The following CPT1A variants were observed in gnomAD, a reference collection of about 807,000 sequenced individuals.
CPT1A encodes carnitine O-palmitoyltransferase 1, liver isoform.
A neutral mutation model predicts 100.8 loss-of-function variants in CPT1A; 64 were observed. The ratio of observed to expected loss-of-function variants is 0.63; its 90% CI spans 0.52 to 0.78. The LOEUF (loss-of-function observed/expected upper bound fraction) is 0.78. Ranked by LOEUF, CPT1A falls within the 30% of genes least tolerant of loss-of-function variation. The probability of loss-of-function intolerance (pLI) is 0.00; values close to 1 mark genes in which losing one functional copy is unlikely to be tolerated. For missense variants in CPT1A, 802 were observed against 1,034.1 expected (o/e 0.78, Z 3.08); for synonymous variants, 363 against 396.0 (o/e 0.92, Z 0.99).
intron 10 of CPT1A, among the ~76,000 whole-genome samples, chr11:68,784,017 G>A (rs1383590040): frequency 3.3e-5 from 5 of 152,026 alleles, no homozygotes; most frequent in Non-Finnish European, 7.4e-5. Context: ...CTACAGGCAC[G>A]CACCACCAAG....
rs747805432 is a variant in CPT1A, at chr11:68,807,546, G to A, written c.374C>T (p.Ser125Phe). ...GTGGTAGGAGAGCAGCACTTTCAGG[G>A]AGTAGCGCATGGTGACGATGAGGGC... The part of the protein sequence containing the change: ...WVALIVTMRY[S>F]LKVLLSYHGW... Residue 125 changes from serine to phenylalanine, a missense_variant, in exon 4 of 19, where the codon TCC becomes TTC. Ser to Phe is a radical substitution (Grantham distance 155, BLOSUM62 -2). Around this residue, in one of 4 missense-constraint regions of CPT1A, gnomAD observed 161 missense variants for 183.7 expected, o/e 0.88. Coordinates refer to ENST00000265641, the MANE Select transcript of CPT1A (RefSeq NM_001876.4). 1.2e-6 allele frequency: 2 copies of A among 1,614,204 alleles called. No individual in the cohort carries two copies. Among genetic ancestry groups the A allele is most frequent in the Non-Finnish European group, 8.5e-7 (1 of 1,180,030 alleles).
At chr11:68,760,201 C>T in intron 17 of CPT1A, 24 bp downstream of exon 17, 1 of 1,559,026 alleles carries the variant, frequency 6.4e-7, no homozygotes, top group Non-Finnish European at 8.8e-7. Context: ...CCCACTGCGC[C>T]TCGCCCAGCC....
Position 68,804,179 on chromosome 11 carries a change from C to T in CPT1A, c.454-78G>A, listed in dbSNP as rs189346958. The T allele has an allele frequency of 6.3e-6, 7 of 1,103,452 alleles. No homozygotes were observed. In the African/African-American group the frequency reaches 9.2e-5, roughly 15 times the overall value. 68.4% of individuals were successfully genotyped at this position (1,103,452 alleles called of 1,614,324 possible). A position where few individuals can be genotyped will look rare whatever the true frequency, so the allele number is the denominator to read the frequency against. On this transcript the variant is annotated intron_variant, in intron 4 of 18. Coordinates refer to ENST00000265641, the MANE Select transcript of CPT1A (RefSeq NM_001876.4). ...CCTGTTCTCGTCTGATCTCGTGAAGCTAAGCAGGGTCAGTCCTGGTTAGTA... is the reference window on the plus strand; with the variant it reads ...CCTGTTCTCGTCTGATCTCGTGAAGTTAAGCAGGGTCAGTCCTGGTTAGTA...
At chr11:68,773,220 A>G (rs1855041508) in intron 14 of CPT1A, 45 bp downstream of exon 14, 2 of 1,610,868 alleles carry the variant, frequency 1.2e-6, no homozygotes, top group East Asian at 2.2e-5. Flanking sequence ...AGGTGTAGGA[A>G]CCCCCAAAGT....
At chr11:68,815,243 G>T in intron 2 of CPT1A, 91 bp downstream of exon 2, 1 of 1,350,048 alleles carries the variant, frequency 7.4e-7, no homozygotes, top group Non-Finnish European at 1.0e-6. Context: ...GCAGTCGCCA[G>T]TCTGAAACAC....
intron 11 of CPT1A, 89 bp from the exon 12 acceptor site, chr11:68,780,834 CTAA>C (rs1224653538): frequency 2.1e-6 from 2 of 954,834 alleles, no homozygotes; most frequent in Non-Finnish European, 3.4e-6. Flanking sequence ...CCTGGATGGA[CTAA>C]TTCACTTTGC....
intron 16 of CPT1A, among the ~76,000 whole-genome samples, chr11:68,761,008 G>A (rs571679261): frequency 4.0e-5 from 6 of 151,802 alleles, no homozygotes; most frequent in East Asian, 1.9e-4. Context: ...GTGACAGAGC[G>A]AGACTCCATC....
chr11:68,808,975 GAAATAAAAAATAATAA>G (rs1444633484), intron 3 of CPT1A, among the ~76,000 whole-genome samples: 3 of 147,980 alleles, frequency 2.0e-5, no homozygotes, highest in Admixed American at 6.7e-5. Flanking sequence ...AATAAAATAA[GAAATAAAAAATAATAA>G]AAATAAAAAA....
intron 3 of CPT1A, among the ~76,000 whole-genome samples, chr11:68,808,217 T>C (rs1239548761): frequency 6.6e-6 from 1 of 152,214 alleles, no homozygotes; most frequent in African/African-American, 2.4e-5. Flanking sequence ...AAAGAGCTTG[T>C]TTTTGACTTA....
intron 1 of CPT1A, among the ~76,000 whole-genome samples, chr11:68,840,758 G>T (rs753433988): frequency 3.3e-5 from 5 of 152,232 alleles, no homozygotes; most frequent in Admixed American, 1.3e-4. Context: ...CTGACAAACC[G>T]AAAGAAGCCG....
At chr11:68,806,078 C>G (rs962796551) in intron 4 of CPT1A, among the ~76,000 whole-genome samples, 1 of 150,902 alleles carries the variant, frequency 6.6e-6, no homozygotes, top group African/African-American at 2.4e-5. Context: ...TGCAGTGACA[C>G]AACCACAGCT....
chr11:68,825,155 G>A (rs781616001), intron 1 of CPT1A, among the ~76,000 whole-genome samples: 5 of 152,124 alleles, frequency 3.3e-5, no homozygotes, highest in Non-Finnish European at 5.9e-5. Flanking sequence ...TGGAGGGACG[G>A]GTAGGAAGGA....
At chr11:68,820,732 T>C (rs575045378) in intron 1 of CPT1A, among the ~76,000 whole-genome samples, 9 of 152,140 alleles carry the variant, frequency 5.9e-5, no homozygotes, top group African/African-American at 1.9e-4. Context: ...CTGAGCAGTA[T>C]GATGAAAACT....
rs749735725 is a variant in CPT1A, at chr11:68,775,355, A to C, written c.1536T>G (p.Ile512Met). ...GHCKGDINPN[I>M]PYPTRLQWDI... Reference sequence around the variant, plus strand: ...CCCACTGCAGCCTGGTGGGGTACGGAATGTTCGGATTGATGTCGCCTTTGC... The same window carrying C: ...CCCACTGCAGCCTGGTGGGGTACGGCATGTTCGGATTGATGTCGCCTTTGC... The change falls in exon 13 of 19, where the codon ATT becomes ATG. Residue 512 changes from isoleucine to methionine, a missense_variant. Ile to Met is a conservative substitution (Grantham distance 10). Transcript: ENST00000265641. 36 of 1,614,224 alleles carry C rather than the reference A, an allele frequency of 2.2e-5. No homozygotes were observed. The highest frequency in any genetic ancestry group is 3.0e-5 in the Non-Finnish European group (35 of 1,180,040).
At chr11:68,819,181 C>T (rs77253996) in intron 1 of CPT1A, among the ~76,000 whole-genome samples, 5 of 152,108 alleles carry the variant, frequency 3.3e-5, no homozygotes, top group East Asian at 1.9e-4. Flanking sequence ...CGGGTTCAAG[C>T]GATTCTCATG....
At chr11:68,792,023 C>T (rs1349129260) in intron 9 of CPT1A, among the ~76,000 whole-genome samples, 4 of 151,918 alleles carry the variant, frequency 2.6e-5, no homozygotes, top group Non-Finnish European at 4.4e-5. Flanking sequence ...CTGGAAGGAC[C>T]GGGCTGCAAC....
At chr11:68,790,861 T>C (rs1382220353) in intron 9 of CPT1A, among the ~76,000 whole-genome samples, 1 of 152,158 alleles carries the variant, frequency 6.6e-6, no homozygotes, top group Non-Finnish European at 1.5e-5. Flanking sequence ...TCTCACTCTG[T>C]CACTCAAGCT....
At chr11:68,766,479 TTTTTA>T (rs1854804821) in intron 14 of CPT1A, among the ~76,000 whole-genome samples, 1 of 152,120 alleles carries the variant, frequency 6.6e-6, no homozygotes, top group African/African-American at 2.4e-5. Flanking sequence ...GGATCTGTCA[TTTTTA>T]TTTTATTTTT....
In CPT1A at chr11:68,841,654, G is replaced by T; in HGVS notation, c.-14+121C>A. On this transcript the variant is annotated intron_variant, in intron 1 of 18. Transcript: ENST00000265641. The surrounding 1 kb of genome is among the most constrained non-coding windows in gnomAD (Gnocchi z 6.3). ...TACCGGGGTTCCTCTCGGCGCCCCG[G>T]TTCCGGCGGCGTCCCCCACCCGGTC... The T allele has an allele frequency of 2.1e-6, 1 of 478,546 alleles. No individual in the cohort carries two copies. The highest frequency in any genetic ancestry group is 2.7e-6 in the Non-Finnish European group (1 of 365,640). The allele number at this position is 478,546 out of a possible 1,614,324, so 29.6% of individuals were successfully genotyped here.
Sources: gnomAD v4.1 joint callset for allele counts (sites outside exome capture counted in the v4.1 genomes callset) on GRCh38, gnomAD v4.1.1 for gene constraint, gnomAD v4.1.1 regional missense constraint, Gnocchi (gnomAD v3.1) non-coding constraint, MANE v1.5 for transcripts, NCBI Gene and HGNC (gene_info 2026-07-23, HGNC 2026-07-21) for gene names.